Variants in FRMD6 observed in about 807,000 individuals in gnomAD.
FRMD6 encodes the protein FERM domain-containing protein 6.
In FRMD6, 37 loss-of-function variants were observed where a neutral mutation model predicts 73.2. The observed-to-expected ratio is 0.51, with a 90% confidence interval of 0.39 to 0.66. The LOEUF (loss-of-function observed/expected upper bound fraction) is 0.66, where lower values mean the gene tolerates loss of function less well. Among genes scored for constraint, FRMD6 ranks in the 30% least tolerant of loss-of-function variants. The probability of loss-of-function intolerance (pLI) is 0.00; values close to 1 mark genes in which losing one functional copy is unlikely to be tolerated. For missense variants in FRMD6, 714 were observed against 780.5 expected (o/e 0.91, Z 1.02); for synonymous variants, 273 against 282.2 (o/e 0.97, Z 0.33).
chr14:51,553,294 A>G (rs1886942439), intron 1 of FRMD6, among the ~76,000 whole-genome samples: 1 of 152,186 alleles, frequency 6.6e-6, no homozygotes, highest in Non-Finnish European at 1.5e-5. Flanking sequence ...ATTATTTCCA[A>G]TGAATGCCCT....
intron 2 of FRMD6, among the ~76,000 whole-genome samples, chr14:51,696,886 C>T (rs148011065): frequency 1.1e-3 from 162 of 152,084 alleles, no homozygotes; most frequent in African/African-American, 3.5e-3. Context: ...CCTGAGTAGA[C>T]GTCCCTCAAA....
chr14:51,727,613 C>T (rs1898048753), intron 13 of FRMD6, 132 bp from the exon 14 acceptor site: 1 of 787,656 alleles, frequency 1.3e-6, no homozygotes, highest in Non-Finnish European at 2.0e-6. Flanking sequence ...AGCCCAGAAA[C>T]CACAGATTGG....
chr14:51,637,061 AAAT>A (rs138925800), intron 2 of FRMD6, among the ~76,000 whole-genome samples: 2,889 of 152,118 alleles, frequency 0.019, 80 homozygotes, highest in African/African-American at 0.065. Context: ...CTGTCTCTAC[AAAT>A]AATAATAATT....
At chr14:51,680,483 A>C (rs1894719913) in intron 1 of FRMD6, among the ~76,000 whole-genome samples, 1 of 152,224 alleles carries the variant, frequency 6.6e-6, no homozygotes, top group Non-Finnish European at 1.5e-5. Flanking sequence ...AAACTGTCTA[A>C]GGGCTAAAAT....
At chr14:51,644,130 A>C (rs976842981) in intron 2 of FRMD6, among the ~76,000 whole-genome samples, 2 of 152,146 alleles carry the variant, frequency 1.3e-5, no homozygotes, top group African/African-American at 4.8e-5. Context: ...TACAATAAGG[A>C]ACATCAATAG....
At chr14:51,704,640 G>GA (rs1385423031) in intron 5 of FRMD6, 109 bp from the exon 6 acceptor site, 4 of 864,970 alleles carry the variant, frequency 4.6e-6, no homozygotes, top group Non-Finnish European at 7.0e-6. Flanking sequence ...GGGAGGAGCA[G>GA]AAACAGAAGG....
At chr14:51,565,900 C>T (rs1252141508) in intron 1 of FRMD6, among the ~76,000 whole-genome samples, 3 of 152,212 alleles carry the variant, frequency 2.0e-5, no homozygotes, top group Non-Finnish European at 4.4e-5. Flanking sequence ...CACGGTGGCT[C>T]ACGCCTGTAA....
chr14:51,715,182 A>T (rs938341007), intron 9 of FRMD6, 143 bp from the exon 10 acceptor site: 2 of 648,288 alleles, frequency 3.1e-6, no homozygotes, highest in African/African-American at 3.7e-5. Flanking sequence ...AAGGAAAAAC[A>T]ATAATTTATC....
chr14:51,544,039 A>G (rs376635639), intron 1 of FRMD6, among the ~76,000 whole-genome samples: 1 of 152,000 alleles, frequency 6.6e-6, no homozygotes, highest in Admixed American at 6.6e-5. Flanking sequence ...TACCATCAGC[A>G]CAGCTTCAAC....
At position 51,580,768 on chromosome 14, in the gene FRMD6, C is replaced by T. The variant is rs145132797; in HGVS notation, c.-147+10358C>T. On this transcript the variant is annotated intron_variant, in intron 2 of 14. Coordinates refer to the FRMD6 transcript ENST00000356218. Reference sequence around the variant, plus strand: ...AAAGATAGTTAAAAGTATTTCTCAACGTGTTGCACTTCCAGCAATTTATCA... The same window carrying T: ...AAAGATAGTTAAAAGTATTTCTCAATGTGTTGCACTTCCAGCAATTTATCA... Among the ~76,000 whole-genome samples, 493 of 152,246 alleles carry T rather than the reference C, an allele frequency of 3.2e-3. 3 individuals carry two copies. The highest frequency in any genetic ancestry group is 3.9e-3 in the South Asian group (19 of 4,832).
intron 2 of FRMD6, among the ~76,000 whole-genome samples, chr14:51,619,380 GAA>G (rs796364037): frequency 8.0e-6 from 1 of 124,768 alleles, no homozygotes; most frequent in African/African-American, 3.0e-5. Context: ...GGAGGATAAA[GAA>G]AAAAAAAAAA....
chr14:51,650,289 TA>T (rs1438770872), upstream of FRMD6: 1 of 114,334 alleles, frequency 8.7e-6, no homozygotes, highest in Non-Finnish European at 2.0e-5. Context: ...CAGCTGTAAA[TA>T]AACACAAAAC....
the FRMD6 span, among the ~76,000 whole-genome samples, chr14:51,427,770 A>C: frequency 6.6e-6 from 1 of 152,212 alleles, no homozygotes; most frequent in African/African-American, 2.4e-5. Flanking sequence ...ATTTTCAGGA[A>C]GTTTGCAAGC....
chr14:51,606,924 GCTGGCGAGC>G (rs1353835200), intron 2 of FRMD6, among the ~76,000 whole-genome samples: 1 of 152,138 alleles, frequency 6.6e-6, no homozygotes, highest in South Asian at 2.1e-4. Context: ...CAGACCAAAG[GCTGGCGAGC>G]CTGGAATTGT....
chr14:51,582,465 C>T (rs1392763948), intron 2 of FRMD6, among the ~76,000 whole-genome samples: 2 of 152,178 alleles, frequency 1.3e-5, no homozygotes, highest in African/African-American at 4.8e-5. Flanking sequence ...TGTAACCACA[C>T]CATTTTGTGG....
intron 1 of FRMD6, among the ~76,000 whole-genome samples, chr14:51,566,052 C>A (rs1018034433): frequency 1.4e-4 from 21 of 152,158 alleles, no homozygotes; most frequent in East Asian, 1.2e-3. Context: ...GTAGTCCCAG[C>A]TACTCAGGAG....
At chr14:51,456,943 T>C in the FRMD6 span, among the ~76,000 whole-genome samples, 2 of 152,046 alleles carry the variant, frequency 1.3e-5, no homozygotes, top group Non-Finnish European at 2.9e-5. Context: ...TCTAAAAAAG[T>C]TGATCTCATA....
At chr14:51,525,390 TC>T (rs1433019141) in intron 1 of FRMD6, among the ~76,000 whole-genome samples, 3 of 151,990 alleles carry the variant, frequency 2.0e-5, no homozygotes, top group Non-Finnish European at 4.4e-5. Flanking sequence ...TGCCTAAGCC[TC>T]CCGAGTAGCT....
intron 1 of FRMD6, among the ~76,000 whole-genome samples, chr14:51,678,510 C>A (rs1894550618): frequency 3.3e-5 from 5 of 152,106 alleles, no homozygotes; most frequent in Admixed American, 2.0e-4. Context: ...AAGCTCTGAC[C>A]AACGCTGACT....
Sources: gnomAD v4.1 joint callset for allele counts (sites outside exome capture counted in the v4.1 genomes callset) on GRCh38, gnomAD v4.1.1 for gene constraint, MANE v1.5 for transcripts, NCBI Gene and HGNC (gene_info 2026-07-23, HGNC 2026-07-21) for gene names.